The following TLN2 variants were observed in gnomAD, a reference collection of about 807,000 sequenced individuals.
TLN2 encodes talin-2.
In TLN2, 118 loss-of-function variants were observed where a neutral mutation model predicts 294.7. The ratio of observed to expected loss-of-function variants is 0.40; its 90% CI spans 0.34 to 0.47. The LOEUF (loss-of-function observed/expected upper bound fraction) is 0.47, where lower values mean the gene tolerates loss of function less well. TLN2 is among the 20% of genes least tolerant of loss of function. The pLI is 0.84. For synonymous variants in TLN2, 1,431 were observed against 1,304.5 expected (o/e 1.10, Z -2.09); for missense variants, 3,083 against 3,282.2 (o/e 0.94, Z 1.48).
chr15:62,788,491 G>T (rs1383207015), intron 45 of TLN2, among the ~76,000 whole-genome samples: 1 of 152,138 alleles, frequency 6.6e-6, no homozygotes, highest in African/African-American at 2.4e-5. Context: ...CCTACCGCAT[G>T]TCAGATGCTG....
At chr15:62,590,022 T>C (rs1437911822) in intron 2 of TLN2, among the ~76,000 whole-genome samples, 1 of 152,122 alleles carries the variant, frequency 6.6e-6, no homozygotes, top group African/African-American at 2.4e-5. Context: ...TGTTTTTGTT[T>C]TTGTTTTAAT....
At chr15:62,505,149 G>A (rs966815306) in intron 1 of TLN2, among the ~76,000 whole-genome samples, 2 of 152,000 alleles carry the variant, frequency 1.3e-5, no homozygotes, top group Admixed American at 6.6e-5. Flanking sequence ...AGTAGAGACG[G>A]GGTTTCACCA....
chr15:62,752,521 C>T, intron 35 of TLN2, 94 bp downstream of exon 35: 1 of 1,528,558 alleles, frequency 6.5e-7, no homozygotes, highest in East Asian at 2.3e-5. Context: ...CTCCAAGTAC[C>T]ACCACAGAAA....
At chr15:62,548,872 A>G (rs562070447) in intron 1 of TLN2, among the ~76,000 whole-genome samples, 1 of 152,290 alleles carries the variant, frequency 6.6e-6, no homozygotes, top group South Asian at 2.1e-4. Flanking sequence ...GGATAAAATT[A>G]TGGGTGGATT....
intron 1 of TLN2, among the ~76,000 whole-genome samples, chr15:62,498,422 T>C (rs973442623): frequency 2.6e-5 from 4 of 152,178 alleles, no homozygotes. Flanking sequence ...TACTGGCTAC[T>C]TGGAATCTGC....
At chr15:62,683,714 T>C (rs1426167440) in intron 11 of TLN2, among the ~76,000 whole-genome samples, 2 of 152,148 alleles carry the variant, frequency 1.3e-5, no homozygotes, top group Non-Finnish European at 1.5e-5. Context: ...TCTTTGTGTG[T>C]GTTGGTATAT....
intron 19 of TLN2, among the ~76,000 whole-genome samples, chr15:62,703,650 C>CACACACACAG (rs34685862): frequency 0.012 from 1,733 of 149,844 alleles, 32 homozygotes; most frequent in South Asian, 0.046. Flanking sequence ...CACACACACA[C>CACACACACAG]AGAGAAAGAG....
At chr15:62,780,451 C>T (rs371139039) in intron 43 of TLN2, among the ~76,000 whole-genome samples, 21 of 152,150 alleles carry the variant, frequency 1.4e-4, no homozygotes, top group African/African-American at 5.1e-4. Context: ...GTAAGCAGCC[C>T]GAGGTTCATT....
At chr15:62,616,894 G>A (rs180788636) in intron 2 of TLN2, among the ~76,000 whole-genome samples, 1 of 152,306 alleles carries the variant, frequency 6.6e-6, no homozygotes, top group Admixed American at 6.5e-5. Context: ...TAAATGAGCA[G>A]TGCAGAGATT....
At chr15:62,687,424 T>C (rs1407652303) in intron 12 of TLN2, among the ~76,000 whole-genome samples, 1 of 152,248 alleles carries the variant, frequency 6.6e-6, no homozygotes, top group Non-Finnish European at 1.5e-5. Context: ...AGATGCTTAG[T>C]ATAAAATTTA....
At chr15:62,729,847 C>T (rs1395591689) in intron 28 of TLN2, among the ~76,000 whole-genome samples, 3 of 152,020 alleles carry the variant, frequency 2.0e-5, no homozygotes, top group Admixed American at 2.0e-4. Flanking sequence ...TGCCTCCTTT[C>T]AGATTCATAT....
At chr15:62,530,708 G>A (rs7176345) in intron 1 of TLN2, among the ~76,000 whole-genome samples, 16,443 of 152,168 alleles carry the variant, frequency 0.11, 2,162 homozygotes, top group African/African-American at 0.32. Flanking sequence ...TTCTTCTTGG[G>A]GAAAAGATGT....
intron 9 of TLN2, among the ~76,000 whole-genome samples, chr15:62,671,291 C>A (rs2140999152): frequency 6.6e-6 from 1 of 152,086 alleles, no homozygotes; most frequent in Non-Finnish European, 1.5e-5. Context: ...TTGAAATAGT[C>A]CATTTTATTT....
At chr15:62,725,302 T>TACC (rs1567465300) in intron 27 of TLN2, among the ~76,000 whole-genome samples, 198 bp downstream of exon 27, 2 of 152,340 alleles carry the variant, frequency 1.3e-5, no homozygotes, top group African/African-American at 4.8e-5. Context: ...CACTCAGCTG[T>TACC]ATCATCAACT....
chr15:62,705,102 A>T (rs2058973786), intron 19 of TLN2, among the ~76,000 whole-genome samples: 1 of 152,208 alleles, frequency 6.6e-6, no homozygotes, highest in African/African-American at 2.4e-5. Flanking sequence ...ATTGTGTGTG[A>T]ATGTCAACCC....
At chr15:62,693,531 G>A (rs891588993) in intron 13 of TLN2, among the ~76,000 whole-genome samples, 2 of 151,910 alleles carry the variant, frequency 1.3e-5, no homozygotes, top group African/African-American at 4.8e-5. Flanking sequence ...TCCTCTCCAC[G>A]TAGCTGTACT....
intron 54 of TLN2, among the ~76,000 whole-genome samples, chr15:62,825,077 G>A (rs1302757319): frequency 6.6e-6 from 1 of 152,092 alleles, no homozygotes; most frequent in Non-Finnish European, 1.5e-5. Context: ...CTGTAATGTT[G>A]GAGTCCTGGC....
intron 1 of TLN2, among the ~76,000 whole-genome samples, chr15:62,403,520 A>T (rs550879721): frequency 5.9e-5 from 9 of 152,310 alleles, no homozygotes; most frequent in Non-Finnish European, 7.3e-5. Flanking sequence ...GGCATGAGCC[A>T]CTGTGCCCCT....
intron 1 of TLN2, among the ~76,000 whole-genome samples, chr15:62,491,351 TACACACACACACACACACACACACAC>T (rs1166046640): frequency 3.0e-5 from 3 of 100,296 alleles, no homozygotes; most frequent in African/African-American, 8.8e-5. Context: ...TATATATATA[TACACACACACACACACACACACACAC>T]ACACACACAC....
Sources: gnomAD v4.1 joint callset for allele counts (sites outside exome capture counted in the v4.1 genomes callset) on GRCh38, gnomAD v4.1.1 for gene constraint, MANE v1.5 for transcripts, NCBI Gene and HGNC (gene_info 2026-07-23, HGNC 2026-07-21) for gene names.